TMTC2: variants seen among roughly 807,000 people sequenced by gnomAD.
TMTC2 encodes protein O-mannosyl-transferase TMTC2.
Under a neutral mutation model 82.4 loss-of-function variants are expected in TMTC2, and 43 were observed. The ratio of observed to expected loss-of-function variants is 0.52; its 90% CI spans 0.41 to 0.67. The LOEUF is 0.67. TMTC2 is among the 30% of genes least tolerant of loss of function. The pLI is 0.00. For missense variants in TMTC2, 919 were observed against 1,012.4 expected, an observed-to-expected ratio of 0.91 and a Z score of 1.25; for synonymous variants, 408 against 381.9, an observed-to-expected ratio of 1.07 and a Z score of -0.80.
Position 82,697,682 on chromosome 12 carries a change from G to T in TMTC2, c.83+10013G>T, listed in dbSNP as rs538384783. 2.6e-5 allele frequency among the ~76,000 whole-genome samples: 4 copies of T among 152,278 alleles called. No individual in the cohort carries two copies. In the East Asian group the frequency reaches 7.7e-4, roughly 29 times the overall value. On this transcript the variant is annotated intron_variant, in intron 1 of 11. Coordinates refer to ENST00000321196, the MANE Select transcript of TMTC2 (RefSeq NM_152588.3). ...GCGATGATCTCTATTTAAATAATCT[G>T]TCACCATCATATAAAACAATGTCAT...
chr12:82,746,758 A>G (rs1158879469), intron 1 of TMTC2, among the ~76,000 whole-genome samples: 3 of 152,202 alleles, frequency 2.0e-5, no homozygotes, highest in Admixed American at 6.5e-5. Flanking sequence ...TAGCAACGGC[A>G]GAACAGGAAG....
rs967998186 is a variant in TMTC2 at position 83,100,510 on chromosome 12, A to G, written c.2332-31700A>G. On this transcript the variant is annotated intron_variant, in intron 11 of 11. Transcript: ENST00000321196. Reference sequence around the variant, plus strand: ...TGAGGATTAAAATTCAGATATTCGTATCCCAATCCAGAATTATTCCCACTT... The same window carrying G: ...TGAGGATTAAAATTCAGATATTCGTGTCCCAATCCAGAATTATTCCCACTT... 5.9e-5 allele frequency among the ~76,000 whole-genome samples: 9 copies of G among 152,276 alleles called. No homozygotes were observed. In the East Asian group the frequency reaches 1.7e-3, roughly 29 times the overall value.
chr12:82,891,861 A>G (rs1245354845), intron 2 of TMTC2, among the ~76,000 whole-genome samples: 1 of 152,110 alleles, frequency 6.6e-6, no homozygotes, highest in Non-Finnish European at 1.5e-5. Flanking sequence ...CTGTTGGTTT[A>G]GTTTCCCTTT....
chr12:83,046,235 T>C (rs914356328), intron 9 of TMTC2, among the ~76,000 whole-genome samples: 8 of 152,178 alleles, frequency 5.3e-5, no homozygotes, highest in African/African-American at 1.9e-4. Flanking sequence ...CTCAGCCTGC[T>C]AGCTAATCCC....
At chr12:82,884,569 A>G (rs1450338015) in intron 2 of TMTC2, among the ~76,000 whole-genome samples, 2 of 152,128 alleles carry the variant, frequency 1.3e-5, no homozygotes, top group Non-Finnish European at 2.9e-5. Flanking sequence ...ATTTAATTTC[A>G]TTTGGTTTCT....
At chr12:82,762,134 T>C (rs944921451) in intron 1 of TMTC2, among the ~76,000 whole-genome samples, 1 of 151,918 alleles carries the variant, frequency 6.6e-6, no homozygotes, top group Non-Finnish European at 1.5e-5. Flanking sequence ...GCAAGGCTAA[T>C]TTTTGTATTT....
In TMTC2 at chr12:82,687,382, G is replaced by A. The variant is rs1169724237; in HGVS notation, c.-205G>A. On this transcript the variant is annotated 5_prime_UTR_variant, in exon 1 of 12. Transcript: ENST00000321196. The stretch of plus-strand genomic sequence containing the variant: ...AGTGTGGTGTGAGCCCGCACCCGGG[G>A]AGGACGCAGGAGCTGCGGAGACGGG... 1.7e-6 allele frequency: 1 copy of A among 597,784 alleles called. No homozygotes were observed. The highest frequency in any genetic ancestry group is 3.0e-6 in the Non-Finnish European group (1 of 336,382). The allele number at this position is 597,784 out of a possible 1,614,324, so 37.0% of individuals were successfully genotyped here.
intron 1 of TMTC2, among the ~76,000 whole-genome samples, chr12:82,792,263 C>T (rs958899874): frequency 1.3e-5 from 2 of 151,746 alleles, no homozygotes; most frequent in Non-Finnish European, 2.9e-5. Flanking sequence ...GAGTTCAGTA[C>T]TGTAATTTTT....
intron 11 of TMTC2, among the ~76,000 whole-genome samples, chr12:83,077,117 A>G (rs1439786878): frequency 6.6e-6 from 1 of 152,228 alleles, no homozygotes; most frequent in African/African-American, 2.4e-5. Flanking sequence ...CTGGGAATTT[A>G]TAGTGAAAGA....
At chr12:82,900,736 T>TA in intron 3 of TMTC2, among the ~76,000 whole-genome samples, 1 of 140,280 alleles carries the variant, frequency 7.1e-6, no homozygotes, top group East Asian at 2.1e-4. Flanking sequence ...GGAATATATA[T>TA]CTCTGGAATA....
intron 1 of TMTC2, among the ~76,000 whole-genome samples, chr12:82,838,624 G>A (rs1025078268): frequency 6.6e-6 from 1 of 152,146 alleles, no homozygotes; most frequent in Non-Finnish European, 1.5e-5. Flanking sequence ...GAACCCCCTG[G>A]TCTTTTACAT....
intron 1 of TMTC2, among the ~76,000 whole-genome samples, chr12:82,765,966 C>T (rs142927110): frequency 9.1e-4 from 138 of 152,252 alleles, no homozygotes; most frequent in African/African-American, 3.1e-3. Flanking sequence ...TGACCATACC[C>T]GGCTTCTTTG....
intron 1 of TMTC2, among the ~76,000 whole-genome samples, chr12:82,786,215 C>G (rs1367247642): frequency 6.6e-6 from 1 of 151,926 alleles, no homozygotes; most frequent in Non-Finnish European, 1.5e-5. Flanking sequence ...AAGAAAAATG[C>G]AAGGAAACAT....
intron 1 of TMTC2, among the ~76,000 whole-genome samples, chr12:82,828,732 C>T (rs371204333): frequency 2.0e-5 from 3 of 152,038 alleles, no homozygotes; most frequent in Admixed American, 2.0e-4. Flanking sequence ...ACACATAGTA[C>T]CCAAATATTA....
intron 1 of TMTC2, among the ~76,000 whole-genome samples, chr12:82,701,581 G>A (rs1207926395): frequency 7.7e-6 from 1 of 130,310 alleles, no homozygotes; most frequent in Non-Finnish European, 1.6e-5. Flanking sequence ...GAGAAACCCC[G>A]TCTTTACTAA....
chr12:82,942,835 T>A (rs1004155146), intron 4 of TMTC2, among the ~76,000 whole-genome samples: 74 of 152,298 alleles, frequency 4.9e-4, no homozygotes, highest in African/African-American at 1.6e-3. Flanking sequence ...TAGCTTAATT[T>A]TTTTATTTAG....
chr12:83,061,801 T>C lies in TMTC2; in HGVS notation c.2301T>C (p.Tyr767=). Residue 767 remains tyrosine (Y), a synonymous_variant, in exon 11 of 12, where the codon TAT becomes TAC. Coordinates refer to ENST00000321196, the MANE Select transcript of TMTC2 (RefSeq NM_152588.3). ...GCCTCAATGAAGCAGCTGAGAAGTA[T>C]TATGATCTGGCAGCCAGGCTGAGGC... The part of the protein sequence containing the change: ...QASLNEAAEK[Y]YDLAARLRPN... 1 of 1,597,456 alleles carries C rather than the reference T, an allele frequency of 6.3e-7. No individual in the cohort carries two copies. The highest frequency in any genetic ancestry group is 8.5e-7 in the Non-Finnish European group (1 of 1,172,454).
At chr12:82,701,759 CAAA>C (rs1303971501) in intron 1 of TMTC2, among the ~76,000 whole-genome samples, 5 of 94,942 alleles carry the variant, frequency 5.3e-5, no homozygotes, top group African/African-American at 3.9e-5. Flanking sequence ...AACTCCGTCT[CAAA>C]AAAAAAAAAA....
At chr12:82,719,671 CT>C (rs202235180) in intron 1 of TMTC2, among the ~76,000 whole-genome samples, 13,261 of 127,914 alleles carry the variant, frequency 0.1, 722 homozygotes, top group East Asian at 0.24. Context: ...GTCTCTCTGT[CT>C]TTTTTTTTTT....
Sources: allele counts gnomAD v4.1 joint callset (sites outside exome capture counted in the v4.1 genomes callset), GRCh38; gene constraint gnomAD v4.1.1; transcripts MANE v1.5; gene names NCBI Gene and HGNC (gene_info 2026-07-23, HGNC 2026-07-21).